Variants in PCDHA11 observed in about 807,000 individuals in gnomAD.
The protein encoded by PCDHA11 is protocadherin alpha 11.
PCDHA11 carries 61 observed loss-of-function variants against 70.3 expected under a neutral mutation model. That is an observed-to-expected ratio of 0.87 (90% CI 0.71 to 1.07). The LOEUF (loss-of-function observed/expected upper bound fraction) is 1.07, where lower values mean the gene tolerates loss of function less well. Ranked by LOEUF, PCDHA11 falls within the 50% of genes least tolerant of loss-of-function variation. The pLI is 0.00. For synonymous variants in PCDHA11, 633 were observed against 555.1 expected (o/e 1.14, Z -1.97); for missense variants, 1,324 against 1,237.5 (o/e 1.07, Z -1.05).
chr5:140,928,732 A>G, intron 1 of PCDHA11: 1 of 1,614,114 alleles, frequency 6.2e-7, no homozygotes, highest in South Asian at 1.1e-5. Context: ...AATTTCAGCC[A>G]ATATAGGTGA....
chr5:140,923,974 C>G (rs2081604148), intron 1 of PCDHA11, among the ~76,000 whole-genome samples: 1 of 152,212 alleles, frequency 6.6e-6, no homozygotes, highest in South Asian at 2.1e-4. Context: ...CCCACACATA[C>G]TATCCCTCTA....
At chr5:140,885,012 G>A (rs73793512) in intron 1 of PCDHA11, among the ~76,000 whole-genome samples, 2,131 of 152,234 alleles carry the variant, frequency 0.014, 45 homozygotes, top group African/African-American at 0.049. Flanking sequence ...GAGGCTAATC[G>A]TAATCTTAAA....
chr5:140,915,863 A>C (rs1424465325), intron 1 of PCDHA11, among the ~76,000 whole-genome samples: 1 of 152,172 alleles, frequency 6.6e-6, no homozygotes, highest in Non-Finnish European at 1.5e-5. Context: ...CCAAGTTTGC[A>C]TCCTTCCCTT....
intron 1 of PCDHA11, among the ~76,000 whole-genome samples, chr5:140,898,820 G>A (rs1303151513): frequency 6.6e-6 from 1 of 152,208 alleles, no homozygotes; most frequent in Admixed American, 6.5e-5. Context: ...TCCTACCCAT[G>A]AGCATGGAAT....
In PCDHA11 at chr5:140,877,150, G is replaced by T. The variant is rs370292278; in HGVS notation, c.2391+5656G>T. On this transcript the variant is annotated intron_variant, in intron 1 of 3. Coordinates refer to ENST00000398640, the MANE Select transcript of PCDHA11 (RefSeq NM_018902.5). Reference sequence around the variant, plus strand: ...GCAGGTGTTCGTGCTGGACGAGAACGACAACGCGCCGGCACTGCTGGCGAC... The same window carrying T: ...GCAGGTGTTCGTGCTGGACGAGAACTACAACGCGCCGGCACTGCTGGCGAC... 1.7e-5 allele frequency: 27 copies of T among 1,613,672 alleles called. No homozygotes were observed. Among genetic ancestry groups the T allele is most frequent in the Non-Finnish European group, 2.2e-5 (26 of 1,179,864 alleles).
intron 1 of PCDHA11, among the ~76,000 whole-genome samples, chr5:140,941,595 A>T (rs1273931279): frequency 6.6e-6 from 1 of 152,016 alleles, no homozygotes; most frequent in African/African-American, 2.4e-5. Context: ...GATTACAGCC[A>T]TGAGCCATGG....
chr5:140,947,772 G>A (rs77655739), intron 1 of PCDHA11, among the ~76,000 whole-genome samples: 3,551 of 151,528 alleles, frequency 0.023, 49 homozygotes, highest in Middle Eastern at 0.034. Flanking sequence ...AAATTCTATT[G>A]TAAATGGATT....
intron 1 of PCDHA11, chr5:140,968,750 G>A: frequency 6.2e-7 from 1 of 1,614,144 alleles, no homozygotes; most frequent in Non-Finnish European, 8.5e-7. Context: ...GACCGTGGTG[G>A]TCCGAGATAA....
chr5:140,881,579 C>T (rs1299755224), intron 1 of PCDHA11, among the ~76,000 whole-genome samples: 1 of 152,168 alleles, frequency 6.6e-6, no homozygotes, highest in Non-Finnish European at 1.5e-5. Context: ...TCTCAAGTCA[C>T]ATTGAGGGAA....
intron 1 of PCDHA11, among the ~76,000 whole-genome samples, chr5:140,910,047 A>G (rs1454501128): frequency 2.0e-5 from 3 of 152,208 alleles, no homozygotes; most frequent in African/African-American, 4.8e-5. Context: ...CTTGGTCATA[A>G]TAAGTGATCT....
intron 3 of PCDHA11, among the ~76,000 whole-genome samples, chr5:141,004,953 G>A (rs1409171628): frequency 7.2e-5 from 11 of 152,166 alleles, no homozygotes; most frequent in African/African-American, 2.4e-4. Context: ...ACCCTCTCTC[G>A]TCACTGCCTG....
chr5:140,873,589 A>C (rs1562682260), intron 1 of PCDHA11, among the ~76,000 whole-genome samples: 1 of 152,272 alleles, frequency 6.6e-6, no homozygotes, highest in Non-Finnish European at 1.5e-5. Context: ...TATTAAGCTA[A>C]ACTTAGATGT....
At chr5:140,979,384 G>A (rs1243693033) in intron 2 of PCDHA11, among the ~76,000 whole-genome samples, 3 of 151,896 alleles carry the variant, frequency 2.0e-5, no homozygotes, top group African/African-American at 7.3e-5. Context: ...ATTGTGCAAT[G>A]TATACATACA....
chr5:140,971,843 G>T (rs1250084892), intron 1 of PCDHA11, among the ~76,000 whole-genome samples: 2 of 151,906 alleles, frequency 1.3e-5, no homozygotes, highest in Non-Finnish European at 2.9e-5. Flanking sequence ...TGCAAGTCAT[G>T]CGTTAAATAT....
chr5:140,968,951 A>G, intron 1 of PCDHA11: 4 of 1,614,228 alleles, frequency 2.5e-6, no homozygotes, highest in Non-Finnish European at 3.4e-6. Context: ...TTTGAGCATC[A>G]TCAAGTGCTA....
intron 1 of PCDHA11, among the ~76,000 whole-genome samples, chr5:140,900,835 C>A (rs1023887892): frequency 1.3e-5 from 2 of 152,150 alleles, no homozygotes; most frequent in African/African-American, 4.8e-5. Flanking sequence ...CAACAATGTA[C>A]AAAGTTTCCC....
chr5:140,955,595 A>G (rs1366870361), intron 1 of PCDHA11, among the ~76,000 whole-genome samples: 1 of 152,194 alleles, frequency 6.6e-6, no homozygotes, highest in Admixed American at 6.5e-5. Context: ...TCTTTCTTTT[A>G]TAAATTACCC....
At chr5:140,910,116 A>C (rs1205054200) in intron 1 of PCDHA11, among the ~76,000 whole-genome samples, 1 of 152,222 alleles carries the variant, frequency 6.6e-6, no homozygotes, top group Non-Finnish European at 1.5e-5. Flanking sequence ...AAGGGATTCT[A>C]GGTCTGTAAA....
chr5:140,923,139 A>G (rs1213586565), intron 1 of PCDHA11, among the ~76,000 whole-genome samples: 3 of 152,188 alleles, frequency 2.0e-5, no homozygotes, highest in Non-Finnish European at 2.9e-5. Context: ...TGAAGGTGGA[A>G]TATAAAAAAA....
Sources: allele counts gnomAD v4.1 joint callset (sites outside exome capture counted in the v4.1 genomes callset), GRCh38; gene constraint gnomAD v4.1.1; transcripts MANE v1.5; gene names NCBI Gene and HGNC (gene_info 2026-07-23, HGNC 2026-07-21).